Variants in SH3BGRL2 observed in about 807,000 individuals in gnomAD.
The protein encoded by SH3BGRL2 is SH3 domain binding glutamate rich protein like 2.
SH3BGRL2 carries 21 observed loss-of-function variants against 14.8 expected under a neutral mutation model. That is an observed-to-expected ratio of 1.42 (90% CI 1.01 to 2.05). The LOEUF is 2.05. SH3BGRL2 is among the 30% of genes most tolerant of loss of function. SH3BGRL2 has a pLI of 0.00. For missense variants in SH3BGRL2, 147 were observed against 130.8 expected, an observed-to-expected ratio of 1.12 and a Z score of -0.61; for synonymous variants, 50 against 47.8, an observed-to-expected ratio of 1.05 and a Z score of -0.19.
At chr6:79,630,945 G>A (rs1325638917), upstream of SH3BGRL2, among the ~76,000 whole-genome samples, 1 of 152,190 alleles carries the variant, frequency 6.6e-6, no homozygotes, top group Non-Finnish European at 1.5e-5. Flanking sequence ...GCCCTGAGAC[G>A]ATGTGTGCCC....
chr6:79,614,977 G>A, the SH3BGRL2 span, among the ~76,000 whole-genome samples: 1 of 152,174 alleles, frequency 6.6e-6, no homozygotes, highest in Non-Finnish European at 1.5e-5. Context: ...CCCTTAGAGG[G>A]GGTTCTGCTG....
chr6:79,693,617 A>G (rs1770272987), intron 2 of SH3BGRL2, among the ~76,000 whole-genome samples: 1 of 151,996 alleles, frequency 6.6e-6, no homozygotes, highest in Admixed American at 6.6e-5. Context: ...TGAGATAATC[A>G]TGTGGTTTTT....
the SH3BGRL2 span, among the ~76,000 whole-genome samples, chr6:79,538,169 C>G: frequency 6.6e-6 from 1 of 150,470 alleles, no homozygotes; most frequent in Non-Finnish European, 1.5e-5. Context: ...AATCCTCTTT[C>G]GTGAGGGCTT....
the SH3BGRL2 span, among the ~76,000 whole-genome samples, chr6:79,612,508 G>A: frequency 6.6e-6 from 1 of 152,120 alleles, no homozygotes; most frequent in African/African-American, 2.4e-5. Flanking sequence ...GAAAATTTTA[G>A]CGGATTCCAA....
the SH3BGRL2 span, among the ~76,000 whole-genome samples, chr6:79,573,707 T>G: frequency 6.6e-6 from 1 of 152,234 alleles, no homozygotes; most frequent in African/African-American, 2.4e-5. Context: ...TTGGTAAATT[T>G]TTGATACCTT....
At chr6:79,650,226 T>C (rs1769259335) in intron 1 of SH3BGRL2, among the ~76,000 whole-genome samples, 3 of 152,096 alleles carry the variant, frequency 2.0e-5, no homozygotes, top group African/African-American at 4.8e-5. Context: ...TTCAGAAAGA[T>C]ACAAAAGTTC....
At chr6:79,643,995 G>T (rs1367125309) in intron 1 of SH3BGRL2, among the ~76,000 whole-genome samples, 1 of 152,184 alleles carries the variant, frequency 6.6e-6, no homozygotes, top group East Asian at 1.9e-4. Context: ...AGGTAATACG[G>T]GGAAAGAAAG....
At chr6:79,612,111 C>T in the SH3BGRL2 span, among the ~76,000 whole-genome samples, 623 of 152,160 alleles carry the variant, frequency 4.1e-3, 2 homozygotes, top group African/African-American at 0.014. Context: ...GCCTGGCCAA[C>T]GTGGTAAAAC....
At chr6:79,555,002 C>T in the SH3BGRL2 span, among the ~76,000 whole-genome samples, 1 of 151,902 alleles carries the variant, frequency 6.6e-6, no homozygotes, top group Non-Finnish European at 1.5e-5. Flanking sequence ...ATTTTCTTCA[C>T]AATAGTCATA....
rs1770505224 is a variant in SH3BGRL2, at chr6:79,703,367, A to G, written c.*3858A>G. The G allele has an allele frequency of 6.6e-6, 1 of 152,196 alleles. No homozygotes were observed. Among genetic ancestry groups the G allele is most frequent in the Non-Finnish European group, 1.5e-5 (1 of 68,046 alleles). 9.4% of individuals were successfully genotyped at this position (152,196 alleles called of 1,614,324 possible). ...TTGTTATAAGCCATTTGAATTTTTA[A>G]AAAATTTCATACATGCAATGGAATA... On this transcript the variant is annotated 3_prime_UTR_variant, in exon 4 of 4. Transcript: ENST00000369838.
chr6:79,592,530 A>G, the SH3BGRL2 span, among the ~76,000 whole-genome samples: 1 of 152,346 alleles, frequency 6.6e-6, no homozygotes, highest in African/African-American at 2.4e-5. Context: ...ATCTTGAAGT[A>G]TGAATGGATA....
intron 1 of SH3BGRL2, among the ~76,000 whole-genome samples, chr6:79,643,923 A>C (rs2127724535): frequency 6.6e-6 from 1 of 152,350 alleles, no homozygotes; most frequent in Non-Finnish European, 1.5e-5. Context: ...TGTGTGATAA[A>C]GTTGAATAAA....
At position 79,675,396 on chromosome 6, in the gene SH3BGRL2, CTT is replaced by C. The variant is rs1322757118; in HGVS notation, c.231+1598_231+1599del. The stretch of plus-strand genomic sequence containing the variant: ...TTTACTCTATGAAAAATTTTAATCT[CTT>C]ATATATACATTCACCACATCTTTTG... On this transcript the variant is annotated intron_variant, in intron 2 of 3. Coordinates refer to ENST00000369838, the MANE Select transcript of SH3BGRL2 (RefSeq NM_031469.4). Among the ~76,000 whole-genome samples the C allele has an allele frequency of 3.9e-5, 6 of 152,126 alleles. No homozygotes were observed. The East Asian group carries it at 9.6e-4, about 24-fold the overall frequency.
chr6:79,660,365 G>C (rs115563100), intron 1 of SH3BGRL2, among the ~76,000 whole-genome samples: 5,496 of 152,192 alleles, frequency 0.036, 322 homozygotes, highest in African/African-American at 0.12. Context: ...GTTGAATTTT[G>C]TCAAATGCCT....
intron 2 of SH3BGRL2, among the ~76,000 whole-genome samples, chr6:79,690,978 TG>T (rs1770202583): frequency 6.6e-6 from 1 of 152,170 alleles, no homozygotes; most frequent in Non-Finnish European, 1.5e-5. Flanking sequence ...ATGAATTTTT[TG>T]ATTTTTTTTC....
chr6:79,537,811 G>T, the SH3BGRL2 span, among the ~76,000 whole-genome samples: 1 of 152,122 alleles, frequency 6.6e-6, no homozygotes, highest in Admixed American at 6.5e-5. Context: ...CTTTTAAATT[G>T]TAAACAAATT....
chr6:79,624,381 A>G, the SH3BGRL2 span, among the ~76,000 whole-genome samples: 3 of 151,444 alleles, frequency 2.0e-5, no homozygotes, highest in Non-Finnish European at 4.4e-5. Context: ...GATAATATAT[A>G]ACCAAAAAAG....
the SH3BGRL2 span, among the ~76,000 whole-genome samples, chr6:79,569,030 A>C: frequency 6.6e-6 from 1 of 152,232 alleles, no homozygotes; most frequent in Non-Finnish European, 1.5e-5. Context: ...CATGTGCCCA[A>C]GGTGGTCCAG....
the SH3BGRL2 span, among the ~76,000 whole-genome samples, chr6:79,578,586 A>G: frequency 1.3e-5 from 2 of 152,252 alleles, no homozygotes; most frequent in Admixed American, 1.3e-4. Flanking sequence ...ACTAACAAAC[A>G]GAAAAGAATA....
Sources: gnomAD v4.1 joint callset for allele counts (sites outside exome capture counted in the v4.1 genomes callset) on GRCh38, gnomAD v4.1.1 for gene constraint, MANE v1.5 for transcripts, NCBI Gene and HGNC (gene_info 2026-07-23, HGNC 2026-07-21) for gene names.